The following ROBO2 variants were observed in gnomAD, a reference collection of about 807,000 sequenced individuals.
ROBO2 encodes the protein roundabout guidance receptor 2.
In ROBO2, 53 loss-of-function variants were observed where a neutral mutation model predicts 160.8. The observed-to-expected ratio is 0.33, with a 90% CI of 0.26 to 0.41. The LOEUF is 0.41. ROBO2 is among the 10% of genes least tolerant of loss of function. The probability of loss-of-function intolerance (pLI) is 1.00; values close to 1 mark genes in which losing one functional copy is unlikely to be tolerated. For synonymous variants in ROBO2, 664 were observed against 611.7 expected (o/e 1.09, Z -1.26); for missense variants, 1,577 against 1,722.4 (o/e 0.92, Z 1.49).
At chr3:77,379,358 G>A (rs1335592928) in intron 2 of ROBO2, among the ~76,000 whole-genome samples, 2 of 151,950 alleles carry the variant, frequency 1.3e-5, no homozygotes, top group South Asian at 2.1e-4. Flanking sequence ...TGTATCCAAA[G>A]TATGTTACAT....
intron 1 of ROBO2, among the ~76,000 whole-genome samples, chr3:77,054,069 C>T (rs957173566): frequency 7.9e-5 from 12 of 152,116 alleles, no homozygotes; most frequent in African/African-American, 2.9e-4. Context: ...GAGATTTTGG[C>T]AGAATAGAAA....
intron 2 of ROBO2, among the ~76,000 whole-genome samples, chr3:77,306,024 A>G (rs1040803792): frequency 1.3e-5 from 2 of 152,180 alleles, no homozygotes; most frequent in African/African-American, 4.8e-5. Context: ...CAGTTTAGGA[A>G]ATAATTAGAA....
intron 24 of ROBO2, among the ~76,000 whole-genome samples, chr3:77,642,470 G>A (rs1049613532): frequency 1.2e-4 from 19 of 152,102 alleles, no homozygotes; most frequent in African/African-American, 4.1e-4. Context: ...AGTCAATTTT[G>A]TTTCAATGAT....
At chr3:76,974,541 G>A (rs2059721239) in intron 2 of ROBO2, among the ~76,000 whole-genome samples, 1 of 152,090 alleles carries the variant, frequency 6.6e-6, no homozygotes, top group Non-Finnish European at 1.5e-5. Context: ...TGCAACCCAG[G>A]TGTTCTGGTT....
intron 2 of ROBO2, among the ~76,000 whole-genome samples, chr3:76,607,798 CA>C (rs1159238091): frequency 6.6e-6 from 1 of 152,234 alleles, no homozygotes; most frequent in Non-Finnish European, 1.5e-5. Flanking sequence ...TCTCTCTTAT[CA>C]CGTAGAAAAC....
At chr3:75,955,125 C>G (rs1948677847) in intron 2 of ROBO2, among the ~76,000 whole-genome samples, 1 of 151,666 alleles carries the variant, frequency 6.6e-6, no homozygotes, top group African/African-American at 2.4e-5. Context: ...GAAACAAATT[C>G]ATTTTATGGT....
intron 2 of ROBO2, among the ~76,000 whole-genome samples, chr3:76,919,616 C>T (rs1287917153): frequency 5.3e-5 from 8 of 152,140 alleles, no homozygotes; most frequent in Non-Finnish European, 1.2e-4. Context: ...CGCATCCTAT[C>T]ATGTATTTTT....
intron 23 of ROBO2, among the ~76,000 whole-genome samples, chr3:77,624,670 T>A (rs2094970071): frequency 1.3e-5 from 2 of 152,198 alleles, no homozygotes; most frequent in South Asian, 4.1e-4. Flanking sequence ...TAAGTGCCCA[T>A]ACAGTGGATG....
chr3:77,214,807 T>C (rs1560255763), intron 2 of ROBO2, among the ~76,000 whole-genome samples: 1 of 152,222 alleles, frequency 6.6e-6, no homozygotes, highest in East Asian at 1.9e-4. Flanking sequence ...TTTGCTCGTC[T>C]GTAAAGTATT....
chr3:75,996,865 A>G (rs1010313882), intron 2 of ROBO2, among the ~76,000 whole-genome samples: 1 of 151,966 alleles, frequency 6.6e-6, no homozygotes, highest in Admixed American at 6.6e-5. Flanking sequence ...ATCTATTCTG[A>G]TATATGTAAA....
exon 26 of ROBO2, chr3:77,648,419 G>T (rs529106260): frequency 3.9e-5 from 6 of 152,234 alleles, no homozygotes; most frequent in Admixed American, 1.3e-4. Flanking sequence ...ATGACTTTTG[G>T]AATAACGTGG....
chr3:77,643,661 C>CAAACAT (rs1553714136), intron 24 of ROBO2, among the ~76,000 whole-genome samples: 3 of 152,142 alleles, frequency 2.0e-5, no homozygotes, highest in Non-Finnish European at 4.4e-5. Flanking sequence ...TACTGAAACA[C>CAAACAT]ACACATACAC....
intron 22 of ROBO2, among the ~76,000 whole-genome samples, chr3:77,620,687 C>G (rs2094882423): frequency 6.6e-6 from 1 of 152,110 alleles, no homozygotes; most frequent in Non-Finnish European, 1.5e-5. Flanking sequence ...AACATTGAAA[C>G]ATCTAGAATC....
chr3:76,555,749 T>G (rs1004437365), intron 2 of ROBO2, among the ~76,000 whole-genome samples: 1 of 152,080 alleles, frequency 6.6e-6, no homozygotes, highest in Non-Finnish European at 1.5e-5. Flanking sequence ...GAGTAATTAG[T>G]TAAGAGGTTC....
chr3:75,991,618 T>A (rs763402274), intron 2 of ROBO2, among the ~76,000 whole-genome samples: 6 of 152,076 alleles, frequency 3.9e-5, no homozygotes, highest in Non-Finnish European at 8.8e-5. Context: ...AGCAAACTAA[T>A]ACAGTAAATT....
intron 2 of ROBO2, among the ~76,000 whole-genome samples, chr3:76,341,994 T>C (rs1489144466): frequency 6.6e-6 from 1 of 152,152 alleles, no homozygotes; most frequent in East Asian, 1.9e-4. Flanking sequence ...GGTATAAAAT[T>C]TGGAAAGCTG....
At chr3:77,454,752 T>C (rs2153565471) in intron 2 of ROBO2, among the ~76,000 whole-genome samples, 1 of 152,364 alleles carries the variant, frequency 6.6e-6, no homozygotes, top group East Asian at 1.9e-4. Flanking sequence ...TAACCAATTT[T>C]ACTTAATTGT....
At chr3:77,101,400 A>G (rs947913295) in intron 2 of ROBO2, among the ~76,000 whole-genome samples, 1 of 152,204 alleles carries the variant, frequency 6.6e-6, no homozygotes, top group Non-Finnish European at 1.5e-5. Flanking sequence ...ACAGAACAGT[A>G]TGGTAAACGT....
At chr3:76,335,184 T>G (rs947238528) in intron 2 of ROBO2, among the ~76,000 whole-genome samples, 235 of 136,636 alleles carry the variant, frequency 1.7e-3, no homozygotes, top group African/African-American at 5.1e-3. Flanking sequence ...TTTTGTTTTT[T>G]TTTTTTTTTT....
Sources: allele counts gnomAD v4.1 joint callset (sites outside exome capture counted in the v4.1 genomes callset), GRCh38; gene constraint gnomAD v4.1.1; transcripts MANE v1.5; gene names NCBI Gene and HGNC (gene_info 2026-07-23, HGNC 2026-07-21).